TNRC6A: variants seen among roughly 807,000 people sequenced by gnomAD.
TNRC6A encodes the protein trinucleotide repeat-containing gene 6A protein.
TNRC6A carries 44 observed loss-of-function variants against 221.2 expected under a neutral mutation model. The ratio of observed to expected loss-of-function variants is 0.20; its 90% confidence interval spans 0.16 to 0.26. TNRC6A has a LOEUF of 0.26. Among genes scored for constraint, TNRC6A ranks in the 10% least tolerant of loss-of-function variants. The pLI is 1.00. For synonymous variants in TNRC6A, 847 were observed against 838.5 expected (o/e 1.01, Z -0.18); for missense variants, 2,199 against 2,404.4 (o/e 0.91, Z 1.79).
At chr16:24,705,848 A>G (rs368482276) in intron 2 of TNRC6A, among the ~76,000 whole-genome samples, 5 of 152,228 alleles carry the variant, frequency 3.3e-5, no homozygotes, top group East Asian at 3.8e-4. Context: ...ATTTAATATT[A>G]TTCTAGGTAT....
At chr16:24,822,715 T>C (rs2058790648) in intron 23 of TNRC6A, among the ~76,000 whole-genome samples, 159 bp from the exon 24 acceptor site, 1 of 152,052 alleles carries the variant, frequency 6.6e-6, no homozygotes. Context: ...GGAAGATGGC[T>C]CTGCACCCCG....
chr16:24,727,444 C>T (rs576637706), upstream of TNRC6A, among the ~76,000 whole-genome samples: 8 of 152,250 alleles, frequency 5.3e-5, no homozygotes, highest in Admixed American at 4.6e-4. Flanking sequence ...GACTGTCCTA[C>T]GCATCGTAGA....
At position 24,758,422 on chromosome 16, in the gene TNRC6A, T is replaced by C. The variant is rs1363390468; in HGVS notation, c.163+62T>C. ...ATTAAAGCAAGGTTGTTTATGTGCATTTTTGTTCACCTCAAGGATGGGAGA... is the reference window on the plus strand; with the variant it reads ...ATTAAAGCAAGGTTGTTTATGTGCACTTTTGTTCACCTCAAGGATGGGAGA... On this transcript the variant is annotated intron_variant, in intron 4 of 24. Coordinates refer to ENST00000395799, the MANE Select transcript of TNRC6A (RefSeq NM_014494.4). 3 of 1,549,574 alleles carry C rather than the reference T, an allele frequency of 1.9e-6. No homozygotes were observed. The East Asian group carries it at 6.8e-5, about 35-fold the overall frequency.
At chr16:24,683,334 C>T (rs9929144) in intron 2 of TNRC6A, among the ~76,000 whole-genome samples, 91,794 of 151,946 alleles carry the variant, frequency 0.6, 28,702 homozygotes, top group East Asian at 0.79. Context: ...GTAGGTGGGA[C>T]TACAGGCATA....
chr16:24,816,527 A>AT (rs1420995884), intron 19 of TNRC6A: 4 of 268,184 alleles, frequency 1.5e-5, no homozygotes, highest in Non-Finnish European at 2.8e-5. Flanking sequence ...CATATATATG[A>AT]TTTTTTAACA....
chr16:24,806,264 G>C lies in TNRC6A; in HGVS notation c.4310G>C (p.Arg1437Pro). 1 of 1,614,142 alleles carries C rather than the reference G, an allele frequency of 6.2e-7. No individual in the cohort carries two copies. Among genetic ancestry groups the C allele is most frequent in the Non-Finnish European group, 8.5e-7 (1 of 1,180,028 alleles). The stretch of plus-strand genomic sequence containing the variant: ...CAGAGAAGCGTGCCTTCTGGGAACC[G>C]GCCGCAGCAAGACCAGCAGGTAGAG... ...QSQRSVPSGN[R>P]PQQDQQGRPL... The change falls in exon 16 of 25, where the codon CGG (arginine) becomes CCG (proline). Residue 1437 changes from arginine (R) to proline (P), a missense_variant. Physicochemically the swap from Arg to Pro is moderately radical, Grantham distance 103. Transcript: ENST00000395799.
chr16:24,797,863 G>T, intron 10 of TNRC6A, 52 bp from the exon 11 acceptor site: 1 of 1,484,962 alleles, frequency 6.7e-7, no homozygotes, highest in Non-Finnish European at 9.2e-7. Flanking sequence ...TTTTTTATTT[G>T]TTTTCATTGA....
At chr16:24,617,906 A>AT in intron 1 of TNRC6A, among the ~76,000 whole-genome samples, 1 of 151,748 alleles carries the variant, frequency 6.6e-6, no homozygotes, top group African/African-American at 2.4e-5. Context: ...ATTTTATTTT[A>AT]TTTATTTATT....
At chr16:24,716,019 G>A (rs2056307171) in intron 2 of TNRC6A, among the ~76,000 whole-genome samples, 1 of 151,842 alleles carries the variant, frequency 6.6e-6, no homozygotes, top group Admixed American at 6.6e-5. Context: ...CTATCTGTGT[G>A]GTTCTCTCCT....
intron 6 of TNRC6A, 54 bp from the exon 7 acceptor site, chr16:24,793,419 A>G (rs1447276081): frequency 3.1e-6 from 4 of 1,311,314 alleles, no homozygotes; most frequent in East Asian, 2.8e-5. Flanking sequence ...CCCTTATTCC[A>G]CTGCACCTCC....
At position 24,812,019 on chromosome 16, in the gene TNRC6A, A is replaced by ATTTTTTTTTTTTTTTTTTT. The variant is rs71156440; in HGVS notation, c.4672+2567_4672+2585dup. Among the ~76,000 whole-genome samples the ATTTTTTTTTTTTTTTTTTT allele has an allele frequency of 3.2e-4, 13 of 40,854 alleles. 3 individuals are homozygous for ATTTTTTTTTTTTTTTTTTT. The highest frequency in any genetic ancestry group is 1.2e-3 in the East Asian group (1 of 804). 26.8% of individuals were successfully genotyped at this position (40,854 alleles called of 152,430 possible). On this transcript the variant is annotated intron_variant, in intron 18 of 24. Transcript: ENST00000395799. ...CCGTTCAGGGGAATGTCACTTTGGG[A>ATTTTTTTTTTTTTTTTTTT]TTTTTTTTTTTTTTTTTTTTTTTTT...
intron 2 of TNRC6A, among the ~76,000 whole-genome samples, chr16:24,667,915 C>T (rs1457249948): frequency 2.4e-4 from 36 of 152,116 alleles, no homozygotes; most frequent in Admixed American, 2.3e-3. Flanking sequence ...GTCCCAGGTA[C>T]TCAGAAGGCT....
chr16:24,612,232 T>A (rs1900087639), intron 1 of TNRC6A, among the ~76,000 whole-genome samples: 1 of 152,160 alleles, frequency 6.6e-6, no homozygotes. Flanking sequence ...CAACGTCTGT[T>A]CGGCAAGAAA....
In TNRC6A at chr16:24,791,712, A is replaced by G; in HGVS notation, c.3070A>G (p.Lys1024Glu). 6.2e-7 allele frequency: 1 copy of G among 1,613,816 alleles called. No homozygotes were observed. The highest frequency in any genetic ancestry group is 8.5e-7 in the Non-Finnish European group (1 of 1,179,890). ...YNYKNVNMWNKNVPNGNSRSD... is the reference protein window; with the variant it reads ...YNYKNVNMWNENVPNGNSRSD... ...CTACAAAAATGTGAACATGTGGAAC[A>G]AAAACGTCCCAAATGGCAACAGCCG... The change falls in exon 6 of 25, where the codon AAA (lysine) becomes GAA (glutamate). Residue 1024 changes from lysine to glutamate, a missense_variant. This residue lies in a region of TNRC6A where 1,405 missense variants were observed against 1,400.2 expected (regional missense o/e 1.00). Coordinates refer to ENST00000395799, the MANE Select transcript of TNRC6A (RefSeq NM_014494.4).
chr16:24,745,286 T>G (rs148076675), intron 2 of TNRC6A, among the ~76,000 whole-genome samples: 1 of 152,348 alleles, frequency 6.6e-6, no homozygotes, highest in East Asian at 1.9e-4. Flanking sequence ...GTCTGGTGAA[T>G]TCTATAGTTT....
Position 24,789,262 on chromosome 16 carries a change from A to T in TNRC6A, c.620A>T (p.Tyr207Phe). 1 of 1,609,020 alleles carries T rather than the reference A, an allele frequency of 6.2e-7. No individual in the cohort carries two copies. The highest frequency in any genetic ancestry group is 2.2e-5 in the East Asian group (1 of 44,838). Residue 207 changes from tyrosine to phenylalanine, a missense_variant, in exon 6 of 25, where the codon TAT (tyrosine) becomes TTT (phenylalanine). Tyr to Phe is a conservative substitution (Grantham distance 22). Around this residue, in one of 8 missense-constraint regions of TNRC6A, gnomAD observed 1,405 missense variants for 1,400.2 expected, o/e 1.00. Coordinates refer to ENST00000395799, the MANE Select transcript of TNRC6A (RefSeq NM_014494.4). The stretch of plus-strand genomic sequence containing the variant: ...AACCACAGTACTTCAGGATCCCATT[A>T]TGAAAATTCCCAGCGGGGACCTGTG... ...DINHSTSGSHYENSQRGPVSS... is the reference protein window; with the variant it reads ...DINHSTSGSHFENSQRGPVSS...
chr16:24,684,914 TA>T (rs1254863258), intron 2 of TNRC6A, among the ~76,000 whole-genome samples: 2 of 152,364 alleles, frequency 1.3e-5, no homozygotes, highest in East Asian at 3.9e-4. Flanking sequence ...CACTTTCTTC[TA>T]AACTCACTCT....
At chr16:24,666,671 ATATATATATATATAT>A (rs2055178013) in intron 2 of TNRC6A, among the ~76,000 whole-genome samples, 1 of 99,566 alleles carries the variant, frequency 1.0e-5, no homozygotes, top group African/African-American at 4.6e-5. Context: ...AAAAAAAAAT[ATATATATATATATAT>A]ATACATATGG....
chr16:24,617,298 A>T (rs557828558), intron 1 of TNRC6A, among the ~76,000 whole-genome samples: 6 of 151,772 alleles, frequency 4.0e-5, no homozygotes, highest in Non-Finnish European at 5.9e-5. Context: ...GCTAATTTTT[A>T]AAATATTTTT....
Sources: gnomAD v4.1 joint callset for allele counts (sites outside exome capture counted in the v4.1 genomes callset) on GRCh38, gnomAD v4.1.1 for gene constraint, gnomAD v4.1.1 regional missense constraint, MANE v1.5 for transcripts, NCBI Gene and HGNC (gene_info 2026-07-23, HGNC 2026-07-21) for gene names.